STAU2: variants seen among roughly 807,000 people sequenced by gnomAD.
The protein encoded by STAU2 is staufen double-stranded RNA binding protein 2, also known as double-stranded RNA-binding protein Staufen homolog 2.
Under a neutral mutation model 65.9 loss-of-function variants are expected in STAU2, and 20 were observed. The ratio of observed to expected loss-of-function variants is 0.30; its 90% confidence interval spans 0.21 to 0.44. STAU2 has a LOEUF of 0.44. Among genes scored for constraint, STAU2 ranks in the 20% least tolerant of loss-of-function variants. The probability of loss-of-function intolerance (pLI) is 1.00; values close to 1 mark genes in which losing one functional copy is unlikely to be tolerated. For synonymous variants in STAU2, 232 were observed against 233.9 expected, an observed-to-expected ratio of 0.99 and a Z score of 0.07; for missense variants, 558 against 683.9, an observed-to-expected ratio of 0.82 and a Z score of 2.05.
intron 6 of STAU2, among the ~76,000 whole-genome samples, chr8:73,634,892 T>C (rs1455100172): frequency 6.6e-6 from 1 of 152,222 alleles, no homozygotes; most frequent in East Asian, 1.9e-4. Context: ...CTATTCTTCC[T>C]ATATAAGCAC....
Position 73,605,884 on chromosome 8 carries a change from C to T in STAU2, c.892-2021G>A, listed in dbSNP as rs887635198. Among the ~76,000 whole-genome samples the T allele has an allele frequency of 4.0e-3, 454 of 112,608 alleles. 3 individuals are homozygous for T. The highest frequency in any genetic ancestry group is 0.015 in the South Asian group (57 of 3,806). The allele number at this position is 112,608 out of a possible 152,430, so 73.9% of individuals were successfully genotyped here. A position where few individuals can be genotyped will look rare whatever the true frequency, so the allele number is the denominator to read the frequency against. Reference sequence around the variant, plus strand: ...ACACACACACACACACACATACACACACACACACACACACACACACACACA... The same window carrying T: ...ACACACACACACACACACATACACATACACACACACACACACACACACACA... On this transcript the variant is annotated intron_variant, in intron 9 of 14. Coordinates refer to ENST00000524300, the MANE Select transcript of STAU2 (RefSeq NM_001164380.2).
At chr8:73,685,578 G>A (rs997365515) in intron 5 of STAU2, among the ~76,000 whole-genome samples, 9 of 151,848 alleles carry the variant, frequency 5.9e-5, no homozygotes, top group Admixed American at 2.0e-4. Flanking sequence ...GGGTTTCACC[G>A]TGTTAGCCAG....
At chr8:73,598,505 G>A (rs1425519058) in intron 10 of STAU2, among the ~76,000 whole-genome samples, 1 of 152,138 alleles carries the variant, frequency 6.6e-6, no homozygotes, top group Non-Finnish European at 1.5e-5. Context: ...GGGATTACAG[G>A]TGTGAGCCAC....
chr8:73,662,938 A>C (rs1252512100), intron 6 of STAU2, among the ~76,000 whole-genome samples: 1 of 151,920 alleles, frequency 6.6e-6, no homozygotes, highest in East Asian at 1.9e-4. Flanking sequence ...TTTTTCTGTC[A>C]GAAAGGCCAA....
intron 3 of STAU2, among the ~76,000 whole-genome samples, chr8:73,731,945 A>T (rs1397763261): frequency 6.6e-6 from 1 of 152,206 alleles, no homozygotes; most frequent in Admixed American, 6.5e-5. Flanking sequence ...ACTCAAAAAA[A>T]GCTAAAAAAA....
intron 13 of STAU2, among the ~76,000 whole-genome samples, chr8:73,469,810 T>C (rs1014102455): frequency 5.3e-5 from 8 of 152,190 alleles, no homozygotes; most frequent in Non-Finnish European, 1.0e-4. Flanking sequence ...GCGAGGTTGT[T>C]TGACAAACAA....
intron 9 of STAU2, among the ~76,000 whole-genome samples, chr8:73,606,785 T>C (rs933717334): frequency 6.6e-6 from 1 of 152,238 alleles, no homozygotes; most frequent in Admixed American, 6.5e-5. Flanking sequence ...TATTCATAGC[T>C]GCTTTATGAG....
At chr8:73,654,749 C>T (rs201903460) in intron 6 of STAU2, among the ~76,000 whole-genome samples, 10 of 132,680 alleles carry the variant, frequency 7.5e-5, no homozygotes, top group South Asian at 2.5e-4. Context: ...TGCAGTGGCA[C>T]GATCTCGACT....
At chr8:73,604,914 T>C (rs568912078) in intron 9 of STAU2, among the ~76,000 whole-genome samples, 18 of 152,216 alleles carry the variant, frequency 1.2e-4, no homozygotes, top group African/African-American at 4.1e-4. Context: ...CCTAGGCACA[T>C]ATAAACCCTA....
chr8:73,439,199 CAT>C (rs1189463784), intron 13 of STAU2: 2 of 369,356 alleles, frequency 5.4e-6, no homozygotes, highest in African/African-American at 4.2e-5. Context: ...GTTGGGAAGA[CAT>C]GTGCACAGCT....
intron 13 of STAU2, among the ~76,000 whole-genome samples, chr8:73,455,612 G>C (rs1035170485): frequency 2.0e-5 from 3 of 152,100 alleles, no homozygotes; most frequent in African/African-American, 7.2e-5. Flanking sequence ...CTGTGCCTCT[G>C]CTGAGGTTAT....
intron 12 of STAU2, among the ~76,000 whole-genome samples, chr8:73,560,002 C>T (rs981258707): frequency 6.6e-6 from 1 of 150,584 alleles, no homozygotes; most frequent in Admixed American, 6.6e-5. Flanking sequence ...TTAGAGGTTT[C>T]TTCTTAAGAT....
At chr8:73,641,282 C>T (rs1254304733) in intron 6 of STAU2, among the ~76,000 whole-genome samples, 1 of 151,882 alleles carries the variant, frequency 6.6e-6, no homozygotes, top group Non-Finnish European at 1.5e-5. Context: ...TGGCTTGACC[C>T]CAGAAAGTGG....
intron 5 of STAU2, among the ~76,000 whole-genome samples, chr8:73,686,197 G>A (rs1181299029): frequency 6.6e-6 from 1 of 152,188 alleles, no homozygotes; most frequent in Non-Finnish European, 1.5e-5. Flanking sequence ...GATGGATCAC[G>A]AAGTCAGGAG....
At chr8:73,488,262 G>A (rs1016369050) in intron 13 of STAU2, among the ~76,000 whole-genome samples, 1 of 151,960 alleles carries the variant, frequency 6.6e-6, no homozygotes, top group African/African-American at 2.4e-5. Context: ...ATTATGTTCT[G>A]AATTTTTACA....
intron 13 of STAU2, among the ~76,000 whole-genome samples, chr8:73,543,144 CTGAG>C (rs1433466584): frequency 1.5e-4 from 23 of 152,116 alleles, no homozygotes; most frequent in African/African-American, 5.3e-4. Flanking sequence ...TCAAAATATA[CTGAG>C]TGAAAGATGC....
At chr8:73,610,890 T>C (rs1437961096) in intron 9 of STAU2, among the ~76,000 whole-genome samples, 1 of 152,218 alleles carries the variant, frequency 6.6e-6, no homozygotes, top group African/African-American at 2.4e-5. Context: ...AAATGGGCAC[T>C]GGAGTCAGAT....
At chr8:73,595,945 C>T (rs1436511807) in intron 10 of STAU2, among the ~76,000 whole-genome samples, 1 of 151,924 alleles carries the variant, frequency 6.6e-6, no homozygotes, top group Non-Finnish European at 1.5e-5. Context: ...AACCCCGTCT[C>T]TACTAAAAAT....
intron 2 of STAU2, among the ~76,000 whole-genome samples, chr8:73,738,987 T>C (rs538766869): frequency 2.6e-5 from 4 of 152,274 alleles, no homozygotes; most frequent in African/African-American, 7.2e-5. Context: ...ATCCCAGCAT[T>C]TTGGGAGGCC....
Sources: allele counts gnomAD v4.1 joint callset (sites outside exome capture counted in the v4.1 genomes callset), GRCh38; gene constraint gnomAD v4.1.1; transcripts MANE v1.5; gene names NCBI Gene and HGNC (gene_info 2026-07-23, HGNC 2026-07-21).